Variants in CACNA1B observed in about 807,000 individuals in gnomAD.
CACNA1B encodes the protein calcium voltage-gated channel subunit alpha1 B, also known as voltage-dependent N-type calcium channel subunit alpha-1B.
A neutral mutation model predicts 247.2 loss-of-function variants in CACNA1B; 70 were observed. That is an observed-to-expected ratio of 0.28 (90% CI 0.23 to 0.35). CACNA1B has a LOEUF of 0.35. Among genes scored for constraint, CACNA1B ranks in the 10% least tolerant of loss-of-function variants. The pLI, the probability that CACNA1B is intolerant of heterozygous loss-of-function variation, is 1.00. For missense variants in CACNA1B, 2,367 were observed against 3,197.4 expected (o/e 0.74, Z 6.26); for synonymous variants, 1,231 against 1,294.4 (o/e 0.95, Z 1.05).
At chr9:137,960,478 AG>A (rs1388174503) in intron 10 of CACNA1B, among the ~76,000 whole-genome samples, 3 of 16,980 alleles carry the variant, frequency 1.8e-4, no homozygotes, top group Non-Finnish European at 2.4e-4. Context: ...CACCCAGGAG[AG>A]GGGAGATGCG....
intron 15 of CACNA1B, among the ~76,000 whole-genome samples, chr9:137,989,023 G>A (rs1246712716): frequency 2.0e-5 from 3 of 152,198 alleles, no homozygotes; most frequent in African/African-American, 7.2e-5. Context: ...TGGTGGAGCT[G>A]CAAACTGAGG....
intron 15 of CACNA1B, among the ~76,000 whole-genome samples, chr9:138,000,271 TG>T (rs1342510039): frequency 2.6e-5 from 4 of 152,106 alleles, no homozygotes; most frequent in Non-Finnish European, 5.9e-5. Flanking sequence ...GCTAATTTTT[TG>T]TATTTTTAGT....
rs896802206 is a variant in CACNA1B at position 138,052,002 on chromosome 9, G to T, written c.3711-90G>T. 1.4e-6 allele frequency: 1 copy of T among 715,570 alleles called. No individual in the cohort carries two copies. The highest frequency in any genetic ancestry group is 1.7e-5 in the African/African-American group (1 of 57,212). The allele number at this position is 715,570 out of a possible 1,614,324, so 44.3% of individuals were successfully genotyped here. A position where few individuals can be genotyped will look rare whatever the true frequency, so the allele number is the denominator to read the frequency against. On this transcript the variant is annotated intron_variant, in intron 24 of 46. Coordinates refer to ENST00000371372, the MANE Select transcript of CACNA1B (RefSeq NM_000718.4). The surrounding 1 kb of genome is among the most constrained non-coding windows in gnomAD (Gnocchi z 5.1). ...CTGGAGTCTGAGACAAAATGCACAGGGGAGCAGGACTCAGACCCTGGGGGG... is the reference window on the plus strand; with the variant it reads ...CTGGAGTCTGAGACAAAATGCACAGTGGAGCAGGACTCAGACCCTGGGGGG...
chr9:138,046,826 C>T (rs1002505388), intron 21 of CACNA1B, 78 bp from the exon 22 acceptor site: 21 of 1,410,414 alleles, frequency 1.5e-5, no homozygotes, highest in South Asian at 6.4e-5. Context: ...TTCTGCGGGA[C>T]GGGCTGAGCC....
intron 19 of CACNA1B, among the ~76,000 whole-genome samples, chr9:138,024,599 G>A (rs1229194118): frequency 6.6e-6 from 1 of 152,136 alleles, no homozygotes; most frequent in Non-Finnish European, 1.5e-5. Context: ...GAGGCTTAAG[G>A]GTTTTGGTTG....
At chr9:137,886,511 T>C (rs1380188136) in intron 3 of CACNA1B, among the ~76,000 whole-genome samples, 1 of 151,178 alleles carries the variant, frequency 6.6e-6, no homozygotes, top group Non-Finnish European at 1.5e-5. Flanking sequence ...CATTCATTCA[T>C]TCAGTGTTCA....
At chr9:138,061,492 G>T (rs1252815118) in intron 31 of CACNA1B, among the ~76,000 whole-genome samples, 1 of 152,062 alleles carries the variant, frequency 6.6e-6, no homozygotes, top group Non-Finnish European at 1.5e-5. Context: ...TTGAAATATG[G>T]CACCCCAACC....
At chr9:137,969,367 C>T (rs1349972905) in intron 10 of CACNA1B, among the ~76,000 whole-genome samples, 2 of 152,106 alleles carry the variant, frequency 1.3e-5, no homozygotes, top group African/African-American at 2.4e-5. Context: ...CTGTGACAGG[C>T]GAGGATGTGT....
At chr9:137,916,030 A>AT (rs571447142) in intron 5 of CACNA1B, among the ~76,000 whole-genome samples, 23,720 of 129,536 alleles carry the variant, frequency 0.18, 2,747 homozygotes, top group East Asian at 0.46. Context: ...TTGTTATACA[A>AT]TTTTTTTTTT....
At chr9:138,004,015 C>T (rs1382931494) in intron 15 of CACNA1B, among the ~76,000 whole-genome samples, 1 of 152,002 alleles carries the variant, frequency 6.6e-6, no homozygotes, top group South Asian at 2.1e-4. Flanking sequence ...GAAGAACCAT[C>T]CTCTGCTGCT....
chr9:137,981,913 A>C (rs998977643), intron 12 of CACNA1B, among the ~76,000 whole-genome samples: 2 of 152,186 alleles, frequency 1.3e-5, no homozygotes, highest in Admixed American at 1.3e-4. Flanking sequence ...AGCATGCTTA[A>C]TGTCCAAAAT....
Position 137,958,765 on chromosome 9 carries a change from C to A in CACNA1B, c.1333+1078C>A, listed in dbSNP as rs868713527. On this transcript the variant is annotated intron_variant, in intron 10 of 46. Coordinates refer to ENST00000371372, the MANE Select transcript of CACNA1B (RefSeq NM_000718.4). Reference sequence around the variant, plus strand: ...ACATTCCATCCACAGTACAGGCCAACCTTCGCCCTCATCCAGTGCTATGTG... The same window carrying A: ...ACATTCCATCCACAGTACAGGCCAAACTTCGCCCTCATCCAGTGCTATGTG... Among the ~76,000 whole-genome samples, 5 of 152,272 alleles carry A rather than the reference C, an allele frequency of 3.3e-5. No homozygotes were observed. The South Asian group carries it at 8.3e-4, about 25-fold the overall frequency.
chr9:137,960,206 G>A (rs919707997), intron 10 of CACNA1B, among the ~76,000 whole-genome samples: 2 of 148,732 alleles, frequency 1.3e-5, no homozygotes, highest in African/African-American at 2.5e-5. Flanking sequence ...GAGGGGGAGG[G>A]GGAGGGAAGG....
intron 3 of CACNA1B, among the ~76,000 whole-genome samples, chr9:137,909,865 G>T (rs1254693214): frequency 6.6e-6 from 1 of 151,994 alleles, no homozygotes; most frequent in Non-Finnish European, 1.5e-5. Context: ...CCACCTCTCG[G>T]GTTCAAGTGA....
rs558848314 is a variant in CACNA1B, at chr9:137,943,747, G to T, written c.967-8527G>T. Among the ~76,000 whole-genome samples, 7 of 152,306 alleles carry T rather than the reference G, an allele frequency of 4.6e-5. No individual in the cohort carries two copies. The South Asian group carries it at 1.4e-3, about 32-fold the overall frequency. ...ATAGCGAGAAGAGGAGGGGGTGGTT[G>T]TCAGCAGGCAGTTTGATTCACAGCA... On this transcript the variant is annotated intron_variant, in intron 6 of 46. Transcript: ENST00000371372.
chr9:138,049,157 T>C, intron 23 of CACNA1B, 52 bp from the exon 24 acceptor site: 1 of 1,238,374 alleles, frequency 8.1e-7, no homozygotes, highest in Non-Finnish European at 1.2e-6. Flanking sequence ...ACCTGGCCTC[T>C]GCCTGTCTTT....
chr9:137,958,924 G>A (rs866828997), intron 10 of CACNA1B, among the ~76,000 whole-genome samples: 4 of 151,966 alleles, frequency 2.6e-5, no homozygotes, highest in South Asian at 2.1e-4. Flanking sequence ...TTCCCTGTCT[G>A]GACTTGGCCT....
Position 138,113,456 on chromosome 9 carries a change from G to A in CACNA1B, c.5537-922G>A, listed in dbSNP as rs188509376. On this transcript the variant is annotated intron_variant, in intron 40 of 46. Coordinates refer to ENST00000371372, the MANE Select transcript of CACNA1B (RefSeq NM_000718.4). ...TGCCCAACTCCATCTTGTGGGAGAC[G>A]TGAGGGAGCGCGAGGAGGTGCCCAA... Among the ~76,000 whole-genome samples the A allele has an allele frequency of 3.7e-3, 561 of 151,138 alleles. 1 individual carries two copies. Among genetic ancestry groups the A allele is most frequent in the African/African-American group, 0.013 (534 of 40,986 alleles).
chr9:138,097,213 G>C (rs1253383512), intron 37 of CACNA1B, among the ~76,000 whole-genome samples: 1 of 152,068 alleles, frequency 6.6e-6, no homozygotes, highest in Non-Finnish European at 1.5e-5. Flanking sequence ...GTGTGTTTAA[G>C]ACCCTTGTCT....
Sources: allele counts gnomAD v4.1 joint callset (sites outside exome capture counted in the v4.1 genomes callset), GRCh38; gene constraint gnomAD v4.1.1; non-coding constraint Gnocchi (gnomAD v3.1); transcripts MANE v1.5; gene names NCBI Gene and HGNC (gene_info 2026-07-23, HGNC 2026-07-21).